CDYL: variants seen among roughly 807,000 people sequenced by gnomAD.
CDYL encodes the protein chromodomain Y-like protein.
CDYL carries 8 observed loss-of-function variants against 47.3 expected under a neutral mutation model. The ratio of observed to expected loss-of-function variants is 0.17; its 90% CI spans 0.10 to 0.31. The LOEUF (loss-of-function observed/expected upper bound fraction) is 0.31, where lower values mean the gene tolerates loss of function less well. Among genes scored for constraint, CDYL ranks in the 10% least tolerant of loss-of-function variants. The pLI is 1.00. For synonymous variants in CDYL, 266 were observed against 265.0 expected, an observed-to-expected ratio of 1.00 and a Z score of -0.04; for missense variants, 471 against 701.4, an observed-to-expected ratio of 0.67 and a Z score of 3.71.
At chr6:4,819,036 C>CT (rs1407099400) in intron 1 of CDYL, among the ~76,000 whole-genome samples, 1 of 151,366 alleles carries the variant, frequency 6.6e-6, no homozygotes, top group Non-Finnish European at 1.5e-5. Context: ...CACTGGGAGT[C>CT]TGAGTATTGT....
At chr6:4,748,706 T>C (rs183488559) in intron 3 of CDYL, among the ~76,000 whole-genome samples, 7 of 149,124 alleles carry the variant, frequency 4.7e-5, no homozygotes, top group Non-Finnish European at 8.9e-5. Context: ...AAAAAAAATA[T>C]AAAGAAAAGA....
Position 4,920,879 on chromosome 6 carries a change from G to A in CDYL, c.692-14636G>A, listed in dbSNP as rs537313596. 1.1e-4 allele frequency among the ~76,000 whole-genome samples: 16 copies of A among 152,340 alleles called. No homozygotes were observed. In the South Asian group the frequency reaches 3.3e-3, roughly 32 times the overall value. ...GATCCACCCATCTCGGCCTCCTAAA[G>A]TGCTGGGATTAGAGGCGTCAGCCAC... is the stretch of plus-strand genomic sequence containing the variant. On this transcript the variant is annotated intron_variant, in intron 2 of 6. Coordinates refer to ENST00000397588, the MANE Select transcript of CDYL (RefSeq NM_004824.4).
intron 3 of CDYL, among the ~76,000 whole-genome samples, chr6:4,744,174 C>A (rs932582752): frequency 1.3e-5 from 2 of 152,104 alleles, no homozygotes; most frequent in African/African-American, 4.8e-5. Context: ...ATCAGTGGGG[C>A]CCACCAGTCC....
chr6:4,829,036 T>C (rs1018192122), intron 1 of CDYL, among the ~76,000 whole-genome samples: 2 of 152,230 alleles, frequency 1.3e-5, no homozygotes, highest in African/African-American at 4.8e-5. Flanking sequence ...CTTTTGCTTT[T>C]TGAGCTTATT....
chr6:4,934,744 T>C (rs1398633767), intron 2 of CDYL, among the ~76,000 whole-genome samples: 4 of 152,162 alleles, frequency 2.6e-5, no homozygotes, highest in Admixed American at 1.3e-4. Flanking sequence ...GGAGGATCAC[T>C]TGAGGCCAGG....
At chr6:4,894,758 C>G (rs952044386) in intron 2 of CDYL, among the ~76,000 whole-genome samples, 2 of 152,008 alleles carry the variant, frequency 1.3e-5, no homozygotes, top group African/African-American at 4.8e-5. Context: ...CTACTTGGCT[C>G]TTTACAGAGA....
intron 1 of CDYL, among the ~76,000 whole-genome samples, chr6:4,811,121 A>G (rs562490540): frequency 9.2e-5 from 14 of 152,360 alleles, no homozygotes; most frequent in African/African-American, 2.9e-4. Context: ...AGTTGGCGTT[A>G]TAGAGGGGAC....
In CDYL at chr6:4,906,635, G is replaced by A. The variant is rs1757246023; in HGVS notation, c.691+14256G>A. Among the ~76,000 whole-genome samples the A allele has an allele frequency of 2.0e-5, 3 of 152,358 alleles. 1 individual carries two copies. The South Asian group carries it at 6.2e-4, about 32-fold the overall frequency. On this transcript the variant is annotated intron_variant, in intron 2 of 6. Coordinates refer to ENST00000397588, the MANE Select transcript of CDYL (RefSeq NM_004824.4). ...GACTTCAAAGGGAAAGTAAGCATAA[G>A]TTTAACTTCTGTGCTTTGGTTTTTC...
At chr6:4,850,194 A>T (rs1216004748) in intron 1 of CDYL, among the ~76,000 whole-genome samples, 1 of 152,204 alleles carries the variant, frequency 6.6e-6, no homozygotes, top group Non-Finnish European at 1.5e-5. Context: ...CCAGTATCAC[A>T]ATTCATTCTC....
chr6:4,724,737 G>A (rs760058950), intron 2 of CDYL: 2 of 152,192 alleles, frequency 1.3e-5, no homozygotes, highest in African/African-American at 4.8e-5. Flanking sequence ...TGGTCTCACT[G>A]GCTTCAGGAG....
chr6:4,757,408 A>G (rs982574079), intron 3 of CDYL, among the ~76,000 whole-genome samples: 2 of 152,226 alleles, frequency 1.3e-5, no homozygotes, highest in Non-Finnish European at 2.9e-5. Context: ...GGCTTTTCTT[A>G]ACAAAACCAA....
intron 1 of CDYL, among the ~76,000 whole-genome samples, chr6:4,799,837 TTC>T (rs1759176040): frequency 6.9e-6 from 1 of 144,858 alleles, no homozygotes; most frequent in South Asian, 2.2e-4. Context: ...CATTGGTTGT[TTC>T]TGTTTCTGTT....
chr6:4,870,792 C>T (rs1384934871), intron 1 of CDYL, among the ~76,000 whole-genome samples: 1 of 150,900 alleles, frequency 6.6e-6, no homozygotes, highest in Non-Finnish European at 1.5e-5. Flanking sequence ...TTGAGTCCAT[C>T]ATTGGATTTT....
intron 2 of CDYL, 105 bp downstream of exon 2, chr6:4,892,484 G>T: frequency 1.7e-6 from 2 of 1,186,690 alleles, no homozygotes; most frequent in South Asian, 3.1e-5. Context: ...GCTTCTCACG[G>T]CATCTGCTGG....
chr6:4,951,415 ATGT>A (rs1158002478), intron 5 of CDYL, among the ~76,000 whole-genome samples: 6 of 152,124 alleles, frequency 3.9e-5, no homozygotes, highest in East Asian at 3.8e-4. Flanking sequence ...AAATCCATAC[ATGT>A]TGTACTGAGA....
intron 2 of CDYL, among the ~76,000 whole-genome samples, chr6:4,905,338 C>G (rs1239489805): frequency 6.6e-6 from 1 of 152,180 alleles, no homozygotes; most frequent in Admixed American, 6.5e-5. Context: ...GCGGGGTTGA[C>G]CTGAGCCTTC....
chr6:4,820,901 C>T (rs1444632641), intron 1 of CDYL, among the ~76,000 whole-genome samples: 4 of 152,146 alleles, frequency 2.6e-5, no homozygotes, highest in East Asian at 3.9e-4. Flanking sequence ...GTAAAACATC[C>T]GCAGGCCTTG....
In CDYL at chr6:4,827,898, G is replaced by A. The variant is rs187767405; in HGVS notation, c.24+51091G>A. ...TCAAACTCCTGACCTTAAGTGATCC[G>A]CCCACCTCGTCCTCCCAAAGTGTTG... On this transcript the variant is annotated intron_variant, in intron 1 of 6. Transcript: ENST00000397588. 7.9e-5 allele frequency among the ~76,000 whole-genome samples: 12 copies of A among 152,220 alleles called. 1 individual carries two copies. Among genetic ancestry groups the A allele is most frequent in the East Asian group, 3.9e-4 (2 of 5,172 alleles).
At chr6:4,797,775 T>G (rs1220793119) in intron 1 of CDYL, among the ~76,000 whole-genome samples, 1 of 152,218 alleles carries the variant, frequency 6.6e-6, no homozygotes, top group African/African-American at 2.4e-5. Context: ...TTCCTTTTTG[T>G]AGCTGATTAA....
Sources: gnomAD v4.1 joint callset for allele counts (sites outside exome capture counted in the v4.1 genomes callset) on GRCh38, gnomAD v4.1.1 for gene constraint, MANE v1.5 for transcripts, NCBI Gene and HGNC (gene_info 2026-07-23, HGNC 2026-07-21) for gene names.